The following GTF2F2 variants were observed in gnomAD, a reference collection of about 807,000 sequenced individuals.
The protein encoded by GTF2F2 is ATP-dependent helicase GTF2F2.
A neutral mutation model predicts 42.2 loss-of-function variants in GTF2F2; 23 were observed. The observed-to-expected ratio is 0.55, with a 90% CI of 0.39 to 0.77. The LOEUF (loss-of-function observed/expected upper bound fraction) is 0.77. GTF2F2 is among the 30% of genes least tolerant of loss of function. The probability of loss-of-function intolerance (pLI) is 0.00; values close to 1 mark genes in which losing one functional copy is unlikely to be tolerated. For synonymous variants in GTF2F2, 105 were observed against 100.8 expected, an observed-to-expected ratio of 1.04 and a Z score of -0.25; for missense variants, 261 against 287.2, an observed-to-expected ratio of 0.91 and a Z score of 0.66.
chr13:45,194,227 G>C (rs753619247), intron 4 of GTF2F2: 2 of 1,613,996 alleles, frequency 1.2e-6, no homozygotes, highest in African/African-American at 2.7e-5. Context: ...AAAGAATTCT[G>C]CTTCTTGTGC....
Position 45,120,630 on chromosome 13 carries a change from C to A in GTF2F2, c.-26C>A, listed in dbSNP as rs1330590378. 4 of 1,544,344 alleles carry A rather than the reference C, an allele frequency of 2.6e-6. No homozygotes were observed. Among genetic ancestry groups the A allele is most frequent in the Non-Finnish European group, 3.5e-6 (4 of 1,140,286 alleles). ...GGCTCCTGGGGTCGCTGCTGCATCC[C>A]GCACGCCTCCACCGGCTGCAGACCC... On this transcript the variant is annotated 5_prime_UTR_variant, in exon 1 of 8. Coordinates refer to ENST00000340473, the MANE Select transcript of GTF2F2 (RefSeq NM_004128.3).
chr13:45,164,763 C>T (rs758601599), intron 4 of GTF2F2, among the ~76,000 whole-genome samples: 86 of 152,240 alleles, frequency 5.6e-4, no homozygotes, highest in Non-Finnish European at 8.8e-4. Context: ...CTCAGCATTA[C>T]TAGTGTCACT....
At chr13:45,156,368 TAGTG>T (rs371139583) in intron 4 of GTF2F2, among the ~76,000 whole-genome samples, 82 of 152,292 alleles carry the variant, frequency 5.4e-4, no homozygotes, top group Admixed American at 1.6e-3. Flanking sequence ...GGATGAAAGA[TAGTG>T]AGGATAAATT....
chr13:45,189,299 G>A (rs186699869), intron 4 of GTF2F2, among the ~76,000 whole-genome samples: 6 of 152,048 alleles, frequency 3.9e-5, no homozygotes, highest in African/African-American at 9.6e-5. Flanking sequence ...TATCCAATCT[G>A]TTATGATGGA....
chr13:45,211,224 T>A (rs1301747674), intron 5 of GTF2F2, among the ~76,000 whole-genome samples: 1 of 152,130 alleles, frequency 6.6e-6, no homozygotes, highest in Non-Finnish European at 1.5e-5. Context: ...TTTGGCAGTT[T>A]ACATAAGAGA....
At chr13:45,153,012 T>A (rs927960223) in intron 4 of GTF2F2, among the ~76,000 whole-genome samples, 15 of 79,700 alleles carry the variant, frequency 1.9e-4, no homozygotes, top group African/African-American at 6.7e-4. Flanking sequence ...TCCTCGTAAA[T>A]TTTTTTTTTT....
chr13:45,266,610 A>G (rs1293517781), intron 6 of GTF2F2, among the ~76,000 whole-genome samples: 3 of 152,270 alleles, frequency 2.0e-5, no homozygotes, highest in African/African-American at 7.2e-5. Context: ...TTTTCGATCA[A>G]CACAAGATAA....
rs1876756294 is a variant in GTF2F2, at chr13:45,270,797, T to A, written c.630+3421T>A. Among the ~76,000 whole-genome samples, 3 of 152,250 alleles carry A rather than the reference T, an allele frequency of 2.0e-5. 1 individual carries two copies. The highest frequency in any genetic ancestry group is 4.4e-5 in the Non-Finnish European group (3 of 68,040). On this transcript the variant is annotated intron_variant, in intron 7 of 7. Coordinates refer to ENST00000340473, the MANE Select transcript of GTF2F2 (RefSeq NM_004128.3). ...TTGAATGAGTTATTTCTAGCTTTTT[T>A]CATATTTTATCTGTCAAATAGAAGC...
At chr13:45,254,201 T>C (rs78003181) in intron 6 of GTF2F2, among the ~76,000 whole-genome samples, 1,983 of 152,252 alleles carry the variant, frequency 0.013, 22 homozygotes, top group Non-Finnish European at 0.02. Context: ...TATTTTATTA[T>C]GGGTTATTTT....
At chr13:45,172,946 A>C (rs1023627221) in intron 4 of GTF2F2, among the ~76,000 whole-genome samples, 1 of 152,066 alleles carries the variant, frequency 6.6e-6, no homozygotes, top group Admixed American at 6.6e-5. Context: ...GAGTCCCTCA[A>C]GTTTGCATAT....
chr13:45,267,367 G>C lies in GTF2F2; in HGVS notation c.621G>C (p.Lys207Asn). 6.2e-7 allele frequency: 1 copy of C among 1,603,864 alleles called. No individual in the cohort carries two copies. Among genetic ancestry groups the C allele is most frequent in the Non-Finnish European group, 8.5e-7 (1 of 1,172,712 alleles). ...YNLKDLVDIT[K>N]QPVVYLKEIL... Reference sequence around the variant, plus strand: ...TTAAGGACTTGGTGGACATCACAAAGCAACCTGTGGTATGTATATGTTCAT... The same window carrying C: ...TTAAGGACTTGGTGGACATCACAAACCAACCTGTGGTATGTATATGTTCAT... The change falls in exon 7 of 8, where the codon AAG (lysine) becomes AAC (asparagine). Residue 207 changes from lysine to asparagine, a missense_variant. Coordinates refer to ENST00000340473, the MANE Select transcript of GTF2F2 (RefSeq NM_004128.3).
At chr13:45,201,217 A>C (rs1194890414) in intron 4 of GTF2F2, among the ~76,000 whole-genome samples, 1 of 152,202 alleles carries the variant, frequency 6.6e-6, no homozygotes, top group Non-Finnish European at 1.5e-5. Context: ...GTTCTTTGAC[A>C]TAGAGTGTAT....
intron 4 of GTF2F2, among the ~76,000 whole-genome samples, chr13:45,186,736 CA>C (rs1174782858): frequency 2.6e-5 from 4 of 152,106 alleles, no homozygotes; most frequent in Non-Finnish European, 5.9e-5. Context: ...AAATTAGTAT[CA>C]CTCAACATTT....
rs542185945 is a variant in GTF2F2, at chr13:45,275,831, C to G, written c.631-7611C>G. Among the ~76,000 whole-genome samples the G allele has an allele frequency of 7.2e-5, 11 of 152,262 alleles. No individual in the cohort carries two copies. In the East Asian group the frequency reaches 2.1e-3, roughly 29 times the overall value. The stretch of plus-strand genomic sequence containing the variant: ...GGGTATATACCCAGTAATGGGATCA[C>G]TGGGTCAAATGGTATTTCTAGTTCT... On this transcript the variant is annotated intron_variant, in intron 7 of 7. Coordinates refer to ENST00000340473, the MANE Select transcript of GTF2F2 (RefSeq NM_004128.3).
chr13:45,120,536 A>G lies in GTF2F2; in HGVS notation c.-120A>G, dbSNP rs370426952. On this transcript the variant is annotated 5_prime_UTR_variant, in exon 1 of 8. Coordinates refer to ENST00000340473, the MANE Select transcript of GTF2F2 (RefSeq NM_004128.3). The stretch of plus-strand genomic sequence containing the variant: ...TCGGTTCCCAGTGTTCTGGCAGGTA[A>G]GGAACGCCGGCTCTTCGCCTCTCAG... The G allele has an allele frequency of 7.1e-5, 50 of 700,370 alleles. 1 individual carries two copies. The highest frequency in any genetic ancestry group is 5.0e-4 in the East Asian group (18 of 35,962). The allele number at this position is 700,370 out of a possible 1,614,324, so 43.4% of individuals were successfully genotyped here. A position where few individuals can be genotyped will look rare whatever the true frequency, so the allele number is the denominator to read the frequency against.
intron 4 of GTF2F2, among the ~76,000 whole-genome samples, chr13:45,202,436 A>G (rs1242750572): frequency 1.4e-5 from 2 of 146,012 alleles, no homozygotes; most frequent in African/African-American, 2.5e-5. Context: ...TAGACATCTG[A>G]GTGGGTGTGT....
chr13:45,137,258 G>C (rs548861683), intron 2 of GTF2F2, among the ~76,000 whole-genome samples: 1 of 152,142 alleles, frequency 6.6e-6, no homozygotes, highest in African/African-American at 2.4e-5. Flanking sequence ...TAACAATATA[G>C]TTTTCTGGTT....
intron 4 of GTF2F2, among the ~76,000 whole-genome samples, chr13:45,179,403 A>G (rs983683636): frequency 1.8e-4 from 27 of 152,202 alleles, no homozygotes; most frequent in Non-Finnish European, 1.5e-5. Flanking sequence ...AAGGAGCACT[A>G]TTTTTAAGCA....
chr13:45,121,047 C>T (rs1401613726), intron 1 of GTF2F2, among the ~76,000 whole-genome samples: 1 of 152,110 alleles, frequency 6.6e-6, no homozygotes, highest in Non-Finnish European at 1.5e-5. Context: ...TTGTATCTTC[C>T]CTTGGTGAAA....
Sources: gnomAD v4.1 joint callset for allele counts (sites outside exome capture counted in the v4.1 genomes callset) on GRCh38, gnomAD v4.1.1 for gene constraint, MANE v1.5 for transcripts, NCBI Gene and HGNC (gene_info 2026-07-23, HGNC 2026-07-21) for gene names.